The following RBFOX1 variants were observed in gnomAD, a reference collection of about 807,000 sequenced individuals.
RBFOX1 encodes RNA binding fox-1 homolog 1.
A neutral mutation model predicts 57.7 loss-of-function variants in RBFOX1; 8 were observed. That is an observed-to-expected ratio of 0.14 (90% CI 0.08 to 0.25). The LOEUF (loss-of-function observed/expected upper bound fraction) is 0.25. RBFOX1 is among the 10% of genes least tolerant of loss of function. The pLI is 1.00. For synonymous variants in RBFOX1, 326 were observed against 222.4 expected, an observed-to-expected ratio of 1.47 and a Z score of -4.15; for missense variants, 611 against 548.5, an observed-to-expected ratio of 1.11 and a Z score of -1.14.
At chr16:6,197,372 C>T (rs571192801) in intron 1 of RBFOX1, among the ~76,000 whole-genome samples, 2 of 152,178 alleles carry the variant, frequency 1.3e-5, no homozygotes, top group South Asian at 2.1e-4. Context: ...AAATCAATAC[C>T]CCTCCACCCC....
chr16:6,608,521 G>T (rs2097982376), intron 2 of RBFOX1, among the ~76,000 whole-genome samples: 2 of 152,174 alleles, frequency 1.3e-5, no homozygotes, highest in Admixed American at 1.3e-4. Flanking sequence ...AGGTATGGTG[G>T]CTCACATGTG....
intron 1 of RBFOX1, among the ~76,000 whole-genome samples, chr16:5,422,539 G>T (rs1291028775): frequency 3.5e-5 from 3 of 86,462 alleles, no homozygotes; most frequent in African/African-American, 5.1e-5. Context: ...GGGCGCATGA[G>T]GGGGGCAGGG....
At position 7,710,622 on chromosome 16, in the gene RBFOX1, G is replaced by C. The variant is rs570327304; in HGVS notation, c.1072-1G>C. The C allele has an allele frequency of 6.2e-7, 1 of 1,610,920 alleles. No individual in the cohort carries two copies. Among genetic ancestry groups the C allele is most frequent in the African/African-American group, 1.3e-5 (1 of 74,792 alleles). Reference sequence around the variant, plus strand: ...ACACCCCTCAAATTGCTTTGTTTCAGAATGCTTTTGCACCTTTGACTGATG... The same window carrying C: ...ACACCCCTCAAATTGCTTTGTTTCACAATGCTTTTGCACCTTTGACTGATG... On this transcript the variant is annotated splice_acceptor_variant, in intron 15 of 15. Transcript: ENST00000550418. LOFTEE classifies it high-confidence loss of function.
chr16:5,440,789 C>T (rs894265539), intron 1 of RBFOX1, among the ~76,000 whole-genome samples: 3 of 152,168 alleles, frequency 2.0e-5, no homozygotes, highest in African/African-American at 4.8e-5. Flanking sequence ...ATTTCAACAA[C>T]ACAGAATGAG....
intron 2 of RBFOX1, among the ~76,000 whole-genome samples, chr16:5,510,369 C>T (rs373461657): frequency 6.6e-6 from 1 of 152,186 alleles, no homozygotes; most frequent in South Asian, 2.1e-4. Context: ...GTCTCTGCTT[C>T]TTGTGTCTCT....
chr16:7,114,300 A>G (rs527980303), intron 4 of RBFOX1, among the ~76,000 whole-genome samples: 5 of 152,260 alleles, frequency 3.3e-5, no homozygotes, highest in East Asian at 1.9e-4. Flanking sequence ...TCAAACTGCA[A>G]TGAAAAAAAT....
chr16:7,075,617 G>A (rs1051399607), intron 4 of RBFOX1, among the ~76,000 whole-genome samples: 1 of 151,848 alleles, frequency 6.6e-6, no homozygotes, highest in Admixed American at 6.6e-5. Context: ...GTCTCGCTCT[G>A]TTGCGCAGGC....
chr16:7,699,509 A>G (rs771903163), intron 14 of RBFOX1, among the ~76,000 whole-genome samples: 3 of 152,160 alleles, frequency 2.0e-5, no homozygotes, highest in African/African-American at 7.2e-5. Flanking sequence ...TTTTGTTTCA[A>G]TGGTAAAAAG....
intron 4 of RBFOX1, among the ~76,000 whole-genome samples, chr16:7,496,058 A>T (rs938875308): frequency 6.6e-6 from 1 of 152,190 alleles, no homozygotes; most frequent in African/African-American, 2.4e-5. Context: ...GGAAGATACT[A>T]GGCTGGGTCC....
At chr16:6,674,658 A>G (rs1660055148) in intron 3 of RBFOX1, among the ~76,000 whole-genome samples, 3 of 152,068 alleles carry the variant, frequency 2.0e-5, no homozygotes, top group African/African-American at 7.2e-5. Context: ...CTGGAGATGT[A>G]CGAATGTAGA....
At chr16:6,175,483 C>T (rs1040124827) in intron 1 of RBFOX1, among the ~76,000 whole-genome samples, 2 of 151,984 alleles carry the variant, frequency 1.3e-5, no homozygotes, top group Non-Finnish European at 1.5e-5. Flanking sequence ...TGTGTTTGAC[C>T]ACCCGGTTTT....
chr16:6,745,520 C>A (rs183874514), intron 3 of RBFOX1, among the ~76,000 whole-genome samples: 1 of 152,142 alleles, frequency 6.6e-6, no homozygotes, highest in Non-Finnish European at 1.5e-5. Context: ...TTATGAAATA[C>A]ACCATATTAA....
At chr16:5,574,322 T>C in intron 2 of RBFOX1, among the ~76,000 whole-genome samples, 1 of 152,210 alleles carries the variant, frequency 6.6e-6, no homozygotes, top group East Asian at 1.9e-4. Context: ...GTCTGTAGCC[T>C]CCTAACTCTC....
At chr16:6,951,209 A>AC (rs1162146339) in intron 3 of RBFOX1, among the ~76,000 whole-genome samples, 7 of 152,110 alleles carry the variant, frequency 4.6e-5, no homozygotes, top group Non-Finnish European at 5.9e-5. Flanking sequence ...GCCCTGCCTA[A>AC]CTTTTTTTTC....
At chr16:7,308,658 T>C (rs1255272075) in intron 4 of RBFOX1, among the ~76,000 whole-genome samples, 1 of 152,208 alleles carries the variant, frequency 6.6e-6, no homozygotes, top group Admixed American at 6.5e-5. Context: ...ACTGTGGACA[T>C]CTTCAGATCG....
At chr16:6,331,048 A>T (rs1223220300) in intron 2 of RBFOX1, among the ~76,000 whole-genome samples, 1 of 152,222 alleles carries the variant, frequency 6.6e-6, no homozygotes, top group Non-Finnish European at 1.5e-5. Context: ...AAGGGATCTG[A>T]AAAAGTAAGG....
At chr16:6,282,930 A>G (rs1433092861) in intron 1 of RBFOX1, among the ~76,000 whole-genome samples, 1 of 152,190 alleles carries the variant, frequency 6.6e-6, no homozygotes, top group African/African-American at 2.4e-5. Context: ...TACTCAGTTC[A>G]TAGTTAAGAG....
intron 4 of RBFOX1, among the ~76,000 whole-genome samples, chr16:7,208,242 A>C (rs1009105436): frequency 2.0e-5 from 3 of 152,208 alleles, no homozygotes; most frequent in African/African-American, 7.2e-5. Context: ...CCACCAATTC[A>C]TATGTTGAAA....
At chr16:6,123,763 G>A (rs922207993) in intron 1 of RBFOX1, among the ~76,000 whole-genome samples, 19 of 152,042 alleles carry the variant, frequency 1.2e-4, no homozygotes, top group Non-Finnish European at 2.1e-4. Flanking sequence ...AAATTAGCCC[G>A]GCATGTTGGC....
Sources: gnomAD v4.1 joint callset for allele counts (sites outside exome capture counted in the v4.1 genomes callset) on GRCh38, gnomAD v4.1.1 for gene constraint, MANE v1.5 for transcripts, NCBI Gene and HGNC (gene_info 2026-07-23, HGNC 2026-07-21) for gene names.